Variants in DRC9 observed in about 807,000 individuals in gnomAD.
The protein encoded by DRC9 is dynein regulatory complex protein 9.
At chr3:197,913,477 C>G in the DRC9 span, 1 of 310,500 alleles carries the variant, frequency 3.2e-6, no homozygotes, top group Non-Finnish European at 6.1e-6. Context: ...GTTCAGCGCT[C>G]TCGATGCTGT....
the DRC9 span, chr3:197,955,809 G>A: frequency 2.6e-6 from 4 of 1,545,844 alleles, no homozygotes; most frequent in Non-Finnish European, 3.6e-6. Flanking sequence ...GTGGATTTGT[G>A]CTCTTGTATT....
the DRC9 span, among the ~76,000 whole-genome samples, chr3:197,931,824 A>T: frequency 1.3e-5 from 2 of 151,848 alleles, no homozygotes; most frequent in African/African-American, 2.4e-5. Flanking sequence ...ATGGGGTTTC[A>T]CCGTGTTAGC....
At chr3:197,940,462 C>T in the DRC9 span, among the ~76,000 whole-genome samples, 2 of 151,992 alleles carry the variant, frequency 1.3e-5, no homozygotes, top group Non-Finnish European at 2.9e-5. Flanking sequence ...CTGGCAGAAC[C>T]ACGTATATTA....
At chr3:197,953,911 C>T in the DRC9 span, 2 of 1,318,172 alleles carry the variant, frequency 1.5e-6, no homozygotes, top group Non-Finnish European at 2.2e-6. Context: ...AAGTGGGTAA[C>T]CAGGGTTGAG....
chr3:197,892,788 A>G, the DRC9 span: 1 of 1,613,516 alleles, frequency 6.2e-7, no homozygotes, highest in Non-Finnish European at 8.5e-7. Context: ...AAAACATGGC[A>G]TTCAGCAGAC....
the DRC9 span, among the ~76,000 whole-genome samples, chr3:197,899,778 A>G: frequency 1.3e-5 from 2 of 152,182 alleles, no homozygotes; most frequent in Admixed American, 1.3e-4. Context: ...TTTGACAACT[A>G]TCTGTACAAA....
chr3:197,923,002 G>A, the DRC9 span, among the ~76,000 whole-genome samples: 1 of 152,160 alleles, frequency 6.6e-6, no homozygotes, highest in Non-Finnish European at 1.5e-5. Context: ...AGGGTTAAGA[G>A]GGATAATGAC....
At chr3:197,935,634 C>T in the DRC9 span, among the ~76,000 whole-genome samples, 3 of 151,868 alleles carry the variant, frequency 2.0e-5, no homozygotes, top group Non-Finnish European at 2.9e-5. Flanking sequence ...TAAAGCACGC[C>T]ACCACGCCCA....
chr3:197,938,947 T>C, the DRC9 span: 2 of 608,234 alleles, frequency 3.3e-6, no homozygotes, highest in South Asian at 4.0e-5. Flanking sequence ...GCCCTGCTGC[T>C]AACTTCACAC....
chr3:197,898,945 A>G, the DRC9 span, among the ~76,000 whole-genome samples: 1 of 152,238 alleles, frequency 6.6e-6, no homozygotes, highest in South Asian at 2.1e-4. Context: ...CATCTTTTTA[A>G]AAAGTTAATG....
chr3:197,932,912 A>T, the DRC9 span, among the ~76,000 whole-genome samples: 1 of 140,194 alleles, frequency 7.1e-6, no homozygotes, highest in Non-Finnish European at 1.5e-5. Flanking sequence ...TATATGTATT[A>T]TATGCATATT....
the DRC9 span, chr3:197,950,248 T>C: frequency 1.6e-6 from 2 of 1,230,472 alleles, no homozygotes; most frequent in Non-Finnish European, 2.0e-6. Flanking sequence ...CTGCTGAAAT[T>C]TGGGGGCAAA....
chr3:197,933,705 A>G, the DRC9 span, among the ~76,000 whole-genome samples: 2 of 151,644 alleles, frequency 1.3e-5, no homozygotes. Flanking sequence ...AGAGATAAAC[A>G]CTCTTCTGAA....
chr3:197,948,232 C>G, the DRC9 span, among the ~76,000 whole-genome samples: 2 of 152,174 alleles, frequency 1.3e-5, no homozygotes, highest in East Asian at 1.9e-4. Context: ...TGCGCCCGGC[C>G]CATACTTTGT....
chr3:197,894,533 A>G, the DRC9 span: 36 of 152,324 alleles, frequency 2.4e-4, no homozygotes, highest in Non-Finnish European at 4.3e-4. Context: ...CATATATACC[A>G]AAATTGGAAC....
At chr3:197,934,712 A>C in the DRC9 span, among the ~76,000 whole-genome samples, 1 of 151,806 alleles carries the variant, frequency 6.6e-6, no homozygotes, top group Non-Finnish European at 1.5e-5. Flanking sequence ...TCACACCTGT[A>C]ATCCCAGCAT....
At chr3:197,950,295 C>T in the DRC9 span, 1 of 1,230,130 alleles carries the variant, frequency 8.1e-7, no homozygotes, top group African/African-American at 1.6e-5. Flanking sequence ...CTTGGCGAGT[C>T]GCCGGTGCGT....
the DRC9 span, among the ~76,000 whole-genome samples, chr3:197,899,127 C>G: frequency 7.9e-5 from 12 of 152,126 alleles, no homozygotes; most frequent in Admixed American, 4.6e-4. Flanking sequence ...ATCAATAATC[C>G]TTTTTTTACA....
the DRC9 span, chr3:197,889,561 A>G: frequency 1.2e-6 from 2 of 1,614,006 alleles, no homozygotes; most frequent in Admixed American, 1.7e-5. Flanking sequence ...ACCAGCAGAA[A>G]ACACAAAAGA....
Sources: gnomAD v4.1 joint callset for allele counts (sites outside exome capture counted in the v4.1 genomes callset) on GRCh38, gnomAD v4.1.1 for gene constraint, MANE v1.5 for transcripts, NCBI Gene and HGNC (gene_info 2026-07-23, HGNC 2026-07-21) for gene names.